The following ARHGEF3 variants were observed in gnomAD, a reference collection of about 807,000 sequenced individuals.
ARHGEF3 encodes the protein 59.8 kDA protein.
ARHGEF3 carries 28 observed loss-of-function variants against 63.2 expected under a neutral mutation model. That is an observed-to-expected ratio of 0.44 (90% CI 0.33 to 0.61). The LOEUF is 0.61. Ranked by LOEUF, ARHGEF3 falls within the 20% of genes least tolerant of loss-of-function variation. The pLI is 0.03. For missense variants in ARHGEF3, 533 were observed against 659.3 expected, an observed-to-expected ratio of 0.81 and a Z score of 2.10; for synonymous variants, 266 against 254.2, an observed-to-expected ratio of 1.05 and a Z score of -0.44.
intron 1 of ARHGEF3, among the ~76,000 whole-genome samples, chr3:57,043,634 T>A (rs1704324677): frequency 6.6e-6 from 1 of 151,686 alleles, no homozygotes; most frequent in African/African-American, 2.4e-5. Context: ...CTGGGCTGAG[T>A]TTTGAAGGGT....
intron 3 of ARHGEF3, among the ~76,000 whole-genome samples, chr3:56,948,653 A>G (rs906009444): frequency 6.6e-6 from 1 of 152,180 alleles, no homozygotes; most frequent in African/African-American, 2.4e-5. Flanking sequence ...TACCAACCAA[A>G]AAAAGTCCAG....
chr3:56,945,268 G>A (rs1699423790), intron 3 of ARHGEF3, among the ~76,000 whole-genome samples: 1 of 152,132 alleles, frequency 6.6e-6, no homozygotes, highest in African/African-American at 2.4e-5. Flanking sequence ...TGGAAAGTGG[G>A]TGCAGGACAG....
Position 56,793,927 on chromosome 3 carries a change from T to C in ARHGEF3, c.96+7776A>G, listed in dbSNP as rs911402812. On this transcript the variant is annotated intron_variant, in intron 1 of 9. Coordinates refer to ENST00000296315, the MANE Select transcript of ARHGEF3 (RefSeq NM_019555.3). Reference sequence around the variant, plus strand: ...TTAAGCCTAAAAGAAATCCTGTTTGTTGACATAGTATCATACAGTATCCTT... The same window carrying C: ...TTAAGCCTAAAAGAAATCCTGTTTGCTGACATAGTATCATACAGTATCCTT... Among the ~76,000 whole-genome samples the C allele has an allele frequency of 2.6e-5, 4 of 152,242 alleles. No individual in the cohort carries two copies. In the East Asian group the frequency reaches 7.7e-4, roughly 29 times the overall value.
At chr3:56,923,708 A>G (rs111305858) in intron 3 of ARHGEF3, among the ~76,000 whole-genome samples, 1 of 152,326 alleles carries the variant, frequency 6.6e-6, no homozygotes, top group East Asian at 1.9e-4. Context: ...TGTGTGTCCC[A>G]TGACTCAGAG....
At chr3:56,855,793 T>C (rs1328369773) in intron 4 of ARHGEF3, among the ~76,000 whole-genome samples, 1 of 152,074 alleles carries the variant, frequency 6.6e-6, no homozygotes, top group African/African-American at 2.4e-5. Flanking sequence ...GGAAAAACTG[T>C]CATGCTGAAC....
chr3:56,763,229 C>T (rs1346988163), intron 2 of ARHGEF3, among the ~76,000 whole-genome samples: 1 of 152,136 alleles, frequency 6.6e-6, no homozygotes, highest in East Asian at 1.9e-4. Flanking sequence ...AGATAAAGTA[C>T]ACAAGAGGCT....
chr3:56,998,244 C>CA (rs1159949544), intron 2 of ARHGEF3, among the ~76,000 whole-genome samples: 1 of 152,018 alleles, frequency 6.6e-6, no homozygotes, highest in Non-Finnish European at 1.5e-5. Flanking sequence ...TGCACACACA[C>CA]AAAAAAACTA....
rs540628389 is a variant in ARHGEF3, at chr3:56,830,341, C to G, written c.192+51951G>C. Among the ~76,000 whole-genome samples, 6 of 152,122 alleles carry G rather than the reference C, an allele frequency of 3.9e-5. No homozygotes were observed. In the South Asian group the frequency reaches 1.2e-3, roughly 32 times the overall value. ...ACCTTGGCCCGTGTGCTAAGTATTT[C>G]CCACATATTACCACATTTCATGCAA... On this transcript the variant is annotated intron_variant, in intron 4 of 12. Coordinates refer to the ARHGEF3 transcript ENST00000338458.
intron 3 of ARHGEF3, among the ~76,000 whole-genome samples, chr3:56,913,595 T>C (rs900202159): frequency 6.6e-6 from 1 of 152,324 alleles, no homozygotes; most frequent in Non-Finnish European, 1.5e-5. Flanking sequence ...GAAAACAGTA[T>C]GGCGGTTACT....
At chr3:56,950,418 T>C (rs2106679338) in intron 3 of ARHGEF3, among the ~76,000 whole-genome samples, 1 of 151,198 alleles carries the variant, frequency 6.6e-6, no homozygotes, top group Non-Finnish European at 1.5e-5. Flanking sequence ...TACAATGAAC[T>C]CAAACAAATT....
intron 2 of ARHGEF3, among the ~76,000 whole-genome samples, chr3:56,999,347 G>A (rs1373732383): frequency 2.0e-5 from 3 of 152,066 alleles, no homozygotes; most frequent in African/African-American, 4.8e-5. Context: ...CACCACACCC[G>A]GATGAGCTAT....
At chr3:57,074,441 A>T (rs1560181130) in intron 1 of ARHGEF3, 2 of 616,254 alleles carry the variant, frequency 3.2e-6, no homozygotes, top group South Asian at 4.1e-5. Flanking sequence ...CACTTCCCCA[A>T]TATCACAGAT....
At chr3:56,923,201 C>T (rs1005796725) in intron 3 of ARHGEF3, among the ~76,000 whole-genome samples, 3 of 151,048 alleles carry the variant, frequency 2.0e-5, no homozygotes, top group African/African-American at 7.3e-5. Flanking sequence ...CCAGCCTGGG[C>T]AACAGAGCAA....
rs532540527 is a variant in ARHGEF3, at chr3:57,027,774, G to A, written c.62+7314C>T. Among the ~76,000 whole-genome samples the A allele has an allele frequency of 6.6e-5, 10 of 152,080 alleles. No individual in the cohort carries two copies. The South Asian group carries it at 1.0e-3, about 16-fold the overall frequency. ...CTCAGGAGGCTGAGGCAGGAGAATC[G>A]CTTGAACCTGGGAGGTGGAGGTTGC... On this transcript the variant is annotated intron_variant, in intron 2 of 12. Transcript: ENST00000338458.
At chr3:56,943,550 T>C (rs1286302643) in intron 3 of ARHGEF3, among the ~76,000 whole-genome samples, 1 of 152,218 alleles carries the variant, frequency 6.6e-6, no homozygotes, top group Non-Finnish European at 1.5e-5. Flanking sequence ...TCATGCCTGC[T>C]AACTCAACAT....
intron 1 of ARHGEF3, among the ~76,000 whole-genome samples, chr3:56,782,672 T>G: frequency 2.0e-5 from 1 of 50,330 alleles, no homozygotes; most frequent in African/African-American, 5.1e-5. Context: ...AAAGCTGGGG[T>G]TTGTTTTGTT....
chr3:56,928,991 C>T lies in ARHGEF3; in HGVS notation c.129+29832G>A, dbSNP rs144917712. ...CACATGTCAGGATATAGCGACCTTG[C>T]TGCACAGGACAATAAAGGACACCCA... is the stretch of plus-strand genomic sequence containing the variant. On this transcript the variant is annotated intron_variant, in intron 3 of 12. Transcript: ENST00000338458. Among the ~76,000 whole-genome samples the T allele has an allele frequency of 2.6e-5, 4 of 152,266 alleles. No homozygotes were observed. In the East Asian group the frequency reaches 7.7e-4, roughly 29 times the overall value.
chr3:56,942,979 G>T (rs984491322), intron 3 of ARHGEF3, among the ~76,000 whole-genome samples: 1 of 152,210 alleles, frequency 6.6e-6, no homozygotes. Flanking sequence ...ACAGAGGTTG[G>T]TTAGTTCATG....
intron 4 of ARHGEF3, among the ~76,000 whole-genome samples, chr3:56,822,726 ACCT>A (rs1356376880): frequency 1.3e-5 from 2 of 151,872 alleles, no homozygotes; most frequent in Admixed American, 1.3e-4. Context: ...GGTGGCAGGC[ACCT>A]GTAATCCCAG....
Sources: gnomAD v4.1 joint callset for allele counts (sites outside exome capture counted in the v4.1 genomes callset) on GRCh38, gnomAD v4.1.1 for gene constraint, MANE v1.5 for transcripts, NCBI Gene and HGNC (gene_info 2026-07-23, HGNC 2026-07-21) for gene names.